The following PGA5 variants were observed in gnomAD, a reference collection of about 807,000 sequenced individuals.
The protein encoded by PGA5 is pepsin A-5.
Under a neutral mutation model 15.9 loss-of-function variants are expected in PGA5, and 19 were observed. The observed-to-expected ratio is 1.19, with a 90% confidence interval of 0.83 to 1.75. The LOEUF is 1.75. Ranked by LOEUF, PGA5 falls within the 40% of genes most tolerant of loss-of-function variation. PGA5 has a pLI of 0.00. For synonymous variants in PGA5, 92 were observed against 95.8 expected, an observed-to-expected ratio of 0.96 and a Z score of 0.23; for missense variants, 224 against 246.4, an observed-to-expected ratio of 0.91 and a Z score of 0.61.
At chr11:61,250,659 G>T in intron 8 of PGA5, 1 of 461,690 alleles carries the variant, frequency 2.2e-6, no homozygotes, top group Non-Finnish European at 4.3e-6. Flanking sequence ...TTAGGAGAGG[G>T]CAAGGCCTGA....
intron 5 of PGA5, chr11:61,248,135 A>T: frequency 1.4e-6 from 1 of 717,526 alleles, no homozygotes; most frequent in South Asian, 1.6e-5. Context: ...TCAAACTATA[A>T]GGCCTGTGTT....
chr11:61,250,726 C>G (rs1282716660), intron 8 of PGA5: 1 of 468,676 alleles, frequency 2.1e-6, no homozygotes, highest in Non-Finnish European at 4.2e-6. Context: ...CAGACAAGGT[C>G]GCAGCCCAGT....
In PGA5 at chr11:61,250,015, G is replaced by A; in HGVS notation, c.1017+1G>A. The A allele has an allele frequency of 6.2e-7, 1 of 1,607,662 alleles. No individual in the cohort carries two copies. Among genetic ancestry groups the A allele is most frequent in the Non-Finnish European group, 8.5e-7 (1 of 1,177,930 alleles). On this transcript the variant is annotated splice_donor_variant, in intron 8 of 8. Transcript: ENST00000312403. LOFTEE classifies it high-confidence loss of function. ...GCCACCCAGTGCCTACATCCTGCAG[G>A]TGAGGAGGCTCTGGACCATCCACTA...
chr11:61,248,025 A>T (rs1854088547), intron 5 of PGA5: 1 of 598,584 alleles, frequency 1.7e-6, no homozygotes, highest in Non-Finnish European at 3.0e-6. Flanking sequence ...AGAACCAGTG[A>T]CCTCCACCCT....
At chr11:61,250,773 T>C (rs1349475164) in intron 8 of PGA5, 1 of 497,942 alleles carries the variant, frequency 2.0e-6, no homozygotes, top group Non-Finnish European at 3.9e-6. Context: ...GCTCATCTGG[T>C]TTGTCCCTGA....
rs141230050 is a variant in PGA5, at chr11:61,251,297, G to A, written c.*16G>A. 1,098 of 1,611,816 alleles carry A rather than the reference G, an allele frequency of 6.8e-4. 19 individuals carry two copies. In the African/African-American group the frequency reaches 0.013, roughly 20 times the overall value. On this transcript the variant is annotated 3_prime_UTR_variant, in exon 9 of 9. Coordinates refer to ENST00000312403, the MANE Select transcript of PGA5 (RefSeq NM_014224.5). ...TGTGGCTTAAGCCTAAGTCTCTTCA[G>A]CCACCTCCCAGGAAGATCTGGCCTC...
At chr11:61,251,027 G>T in intron 8 of PGA5, 105 bp from the exon 9 acceptor site, 3 of 1,605,582 alleles carry the variant, frequency 1.9e-6, no homozygotes, top group Middle Eastern at 2.3e-4. Context: ...GCTCCTCCTT[G>T]CACGTGCCTT....
At chr11:61,250,299 G>A (rs959593886) in intron 8 of PGA5, among the ~76,000 whole-genome samples, 2 of 151,314 alleles carry the variant, frequency 1.3e-5, no homozygotes, top group African/African-American at 4.9e-5. Flanking sequence ...TGAATTACTA[G>A]CCCATTGATT....
intron 5 of PGA5, among the ~76,000 whole-genome samples, chr11:61,247,368 T>A (rs1223780848): frequency 2.0e-5 from 3 of 151,422 alleles, no homozygotes; most frequent in Non-Finnish European, 4.4e-5. Flanking sequence ...AAGCTCTGCC[T>A]CCTGGGTTCA....
At chr11:61,250,202 T>C (rs1466324256) in intron 8 of PGA5, among the ~76,000 whole-genome samples, 188 bp downstream of exon 8, 2 of 151,296 alleles carry the variant, frequency 1.3e-5, no homozygotes, top group Non-Finnish European at 2.9e-5. Flanking sequence ...AGAACTCGGA[T>C]ACAGCCCCCT....
At chr11:61,249,322 C>A in intron 6 of PGA5, 1 of 423,648 alleles carries the variant, frequency 2.4e-6, no homozygotes. Flanking sequence ...CCACCTCTCA[C>A]CCTGGGCCCT....
rs759476902 is a variant in PGA5, at chr11:61,249,838, T to C, written c.918+25T>C. 8 of 1,613,578 alleles carry C rather than the reference T, an allele frequency of 5.0e-6. No homozygotes were observed. In the East Asian group the frequency reaches 1.6e-4, roughly 31 times the overall value. ...CGTGAGTCCAGCCCCGACTGCCCTG[T>C]TCTACACTCAAGTAGTGGGTGTGCC... On this transcript the variant is annotated intron_variant, in intron 7 of 8. Coordinates refer to ENST00000312403, the MANE Select transcript of PGA5 (RefSeq NM_014224.5).
Position 61,249,800 on chromosome 11 carries a change from A to G in PGA5, c.905A>G (p.Asn302Ser), listed in dbSNP as rs151176890. 1.2e-6 allele frequency: 2 copies of G among 1,613,380 alleles called. No homozygotes were observed. Among genetic ancestry groups the G allele is most frequent in the African/African-American group, 1.3e-5 (1 of 74,586 alleles). Residue 302 changes from asparagine (N) to serine (S), a missense_variant, in exon 7 of 9, where the codon AAC becomes AGC. By Grantham distance (46) the Asn-to-Ser change is conservative. Transcript: ENST00000312403. The stretch of plus-strand genomic sequence containing the variant: ...CAGAGCGACATCGGAGCCAGCGAGA[A>G]CTCAGATGGCGACGTGAGTCCAGCC... ...NIQSDIGASE[N>S]SDGDMVVSCS...
In PGA5 at chr11:61,246,150, G is replaced by A. The variant is rs999497096; in HGVS notation, c.656+5G>A. 3 of 387,808 alleles carry A rather than the reference G, an allele frequency of 7.7e-6. No individual in the cohort carries two copies. The African/African-American group carries it at 1.1e-4, about 14-fold the overall frequency. 24.0% of individuals were successfully genotyped at this position (387,808 alleles called of 1,614,324 possible). ...CTTCTCTGTCTACCTCAGCGCGTAA[G>A]TTGAGTGGAGAGGGGCCTCCTCCCA... On this transcript the variant is annotated splice_donor_5th_base_variant and intron_variant, in intron 5 of 8. Transcript: ENST00000312403.
At chr11:61,248,317 T>G (rs750675234) in intron 5 of PGA5, 102 bp from the exon 6 acceptor site, 3 of 1,613,656 alleles carry the variant, frequency 1.9e-6, no homozygotes, top group Non-Finnish European at 2.5e-6. Flanking sequence ...AGGACAGCCC[T>G]GGAAAGTGCC....
intron 8 of PGA5, among the ~76,000 whole-genome samples, chr11:61,250,399 C>T (rs4938998): frequency 0.17 from 24,953 of 150,830 alleles, 2,584 homozygotes; most frequent in African/African-American, 0.27. Flanking sequence ...GCGGTTAGGT[C>T]AACCAAGTGA....
At chr11:61,248,588 C>G in intron 6 of PGA5, 53 bp downstream of exon 6, 4 of 1,603,346 alleles carry the variant, frequency 2.5e-6, no homozygotes, top group Non-Finnish European at 3.4e-6. Flanking sequence ...GATCCCATTT[C>G]CTTATGGATT....
chr11:61,246,791 AAATAAAT>A (rs1854070826), intron 5 of PGA5, among the ~76,000 whole-genome samples: 4 of 145,498 alleles, frequency 2.7e-5, no homozygotes, highest in Non-Finnish European at 4.5e-5. Context: ...ATAAATAAAT[AAATAAAT>A]AAAATAAAGT....
intron 5 of PGA5, 197 bp from the exon 6 acceptor site, chr11:61,248,222 C>T (rs749979414): frequency 4.4e-6 from 6 of 1,352,508 alleles, no homozygotes; most frequent in Non-Finnish European, 6.4e-6. Flanking sequence ...GCTCAGTGTC[C>T]TCATGGTAAG....
Sources: allele counts gnomAD v4.1 joint callset (sites outside exome capture counted in the v4.1 genomes callset), GRCh38; gene constraint gnomAD v4.1.1; transcripts MANE v1.5; gene names NCBI Gene and HGNC (gene_info 2026-07-23, HGNC 2026-07-21).